Variants in AKAP19 observed in about 807,000 individuals in gnomAD.
AKAP19 encodes A-kinase anchoring protein 19, also known as small A-kinase anchoring protein.
chr2:190,199,683 C>T, the AKAP19 span: 4 of 1,409,652 alleles, frequency 2.8e-6, no homozygotes, highest in South Asian at 1.6e-5. Flanking sequence ...ATGAAACCTA[C>T]CTTCTCTTGA....
chr2:190,089,081 A>G, the AKAP19 span, among the ~76,000 whole-genome samples: 5 of 152,112 alleles, frequency 3.3e-5, no homozygotes, highest in East Asian at 1.9e-4. Context: ...ATGCTCTTTC[A>G]TGTTGTAGTT....
the AKAP19 span, among the ~76,000 whole-genome samples, chr2:190,039,754 A>T: frequency 6.6e-6 from 1 of 151,972 alleles, no homozygotes; most frequent in African/African-American, 2.4e-5. Flanking sequence ...CTCCCACTTT[A>T]AAGTGAGAAC....
At chr2:190,081,107 C>A in the AKAP19 span, among the ~76,000 whole-genome samples, 9 of 152,218 alleles carry the variant, frequency 5.9e-5, no homozygotes, top group African/African-American at 2.2e-4. Context: ...AATGGCCCTG[C>A]AAGGTTGTCT....
the AKAP19 span, among the ~76,000 whole-genome samples, chr2:190,014,089 C>T: frequency 6.6e-6 from 1 of 152,114 alleles, no homozygotes; most frequent in East Asian, 1.9e-4. Flanking sequence ...AACTGCTTTT[C>T]CTACATCCCA....
the AKAP19 span, among the ~76,000 whole-genome samples, chr2:190,051,822 T>TTTATTTATTTATTTA: frequency 6.7e-6 from 1 of 149,548 alleles, no homozygotes; most frequent in African/African-American, 2.5e-5. Flanking sequence ...TTTTTTTATT[T>TTTATTTATTTATTTA]TTTATTTATT....
the AKAP19 span, among the ~76,000 whole-genome samples, chr2:190,124,350 T>A: frequency 3.0e-3 from 460 of 152,346 alleles, 6 homozygotes; most frequent in African/African-American, 0.01. Flanking sequence ...CTAGGCTATA[T>A]GGTATAGCCT....
chr2:190,167,157 T>C, the AKAP19 span, among the ~76,000 whole-genome samples: 2 of 152,196 alleles, frequency 1.3e-5, no homozygotes, highest in South Asian at 2.1e-4. Context: ...TACAGTTGCA[T>C]GTGACTGGGA....
chr2:189,917,625 CT>C, the AKAP19 span: 8 of 336,422 alleles, frequency 2.4e-5, no homozygotes, highest in South Asian at 8.6e-5. Context: ...CTTGTGAGAC[CT>C]TTTTCTTGTA....
the AKAP19 span, among the ~76,000 whole-genome samples, chr2:190,069,306 CACTT>C: frequency 6.6e-6 from 1 of 152,012 alleles, no homozygotes; most frequent in Non-Finnish European, 1.5e-5. Flanking sequence ...ATGATGTTTT[CACTT>C]ACTTTAGAAC....
At chr2:190,018,943 C>T in the AKAP19 span, among the ~76,000 whole-genome samples, 5 of 152,132 alleles carry the variant, frequency 3.3e-5, no homozygotes, top group South Asian at 2.1e-4. Flanking sequence ...ATTCTGCAAT[C>T]GGGCAGAGCT....
chr2:189,942,838 T>C, the AKAP19 span, among the ~76,000 whole-genome samples: 7 of 152,334 alleles, frequency 4.6e-5, no homozygotes, highest in Middle Eastern at 3.4e-3. Flanking sequence ...ATTTAGGGTA[T>C]CTGGGAGAAG....
chr2:189,891,475 G>A, the AKAP19 span, among the ~76,000 whole-genome samples: 4 of 151,828 alleles, frequency 2.6e-5, no homozygotes, highest in Middle Eastern at 3.4e-3. Context: ...TGCCCACCTC[G>A]GCCTCCCAGA....
the AKAP19 span, among the ~76,000 whole-genome samples, chr2:190,119,392 C>T: frequency 6.6e-6 from 1 of 152,286 alleles, no homozygotes; most frequent in African/African-American, 2.4e-5. Flanking sequence ...ATTGGTTTGA[C>T]TAGGCATGTC....
the AKAP19 span, among the ~76,000 whole-genome samples, chr2:190,017,351 C>T: frequency 6.6e-6 from 1 of 151,910 alleles, no homozygotes; most frequent in Non-Finnish European, 1.5e-5. Flanking sequence ...TTGCTTTTTT[C>T]TGTGTTGCTT....
At chr2:189,972,542 G>C in the AKAP19 span, among the ~76,000 whole-genome samples, 22 of 152,256 alleles carry the variant, frequency 1.4e-4, no homozygotes, top group African/African-American at 5.1e-4. Context: ...GCTTGATGGG[G>C]ATGGCATTGA....
chr2:189,921,904 G>A, the AKAP19 span, among the ~76,000 whole-genome samples: 1 of 152,166 alleles, frequency 6.6e-6, no homozygotes, highest in Admixed American at 6.5e-5. Context: ...TAGGCTCTGG[G>A]GAAAGGGTGA....
At chr2:190,153,411 T>C in the AKAP19 span, among the ~76,000 whole-genome samples, 1 of 152,192 alleles carries the variant, frequency 6.6e-6, no homozygotes, top group East Asian at 1.9e-4. Flanking sequence ...GTATTGGAGG[T>C]ACAGCCAATC....
chr2:190,197,836 T>TA, the AKAP19 span, among the ~76,000 whole-genome samples: 1 of 152,196 alleles, frequency 6.6e-6, no homozygotes, highest in African/African-American at 2.4e-5. This position sits in a 1 kb window ranked among gnomAD's most constrained non-coding sequence, Gnocchi z 4.0. Context: ...CAAAAGGTCT[T>TA]AAAAAACAGA....
chr2:190,146,507 G>A, the AKAP19 span, among the ~76,000 whole-genome samples: 1 of 152,178 alleles, frequency 6.6e-6, no homozygotes, highest in Non-Finnish European at 1.5e-5. Flanking sequence ...TTTCCTCTGG[G>A]TAGATACCCA....
Sources: allele counts gnomAD v4.1 joint callset (sites outside exome capture counted in the v4.1 genomes callset), GRCh38; gene constraint gnomAD v4.1.1; non-coding constraint Gnocchi (gnomAD v3.1); transcripts MANE v1.5; gene names NCBI Gene and HGNC (gene_info 2026-07-23, HGNC 2026-07-21).